LRRC7: variants seen among roughly 807,000 people sequenced by gnomAD.
LRRC7 encodes the protein leucine-rich repeat-containing protein 7.
LRRC7 carries 23 observed loss-of-function variants against 175.7 expected under a neutral mutation model. The ratio of observed to expected loss-of-function variants is 0.13; its 90% CI spans 0.09 to 0.19. LRRC7 has a LOEUF of 0.19. Among genes scored for constraint, LRRC7 ranks in the 10% least tolerant of loss-of-function variants. LRRC7 has a pLI of 1.00. For synonymous variants in LRRC7, 685 were observed against 680.9 expected (o/e 1.01, Z -0.09); for missense variants, 1,354 against 1,904.7 (o/e 0.71, Z 5.38).
At chr1:69,843,214 CAAAA>C (rs905777908) in intron 7 of LRRC7, among the ~76,000 whole-genome samples, 1 of 146,318 alleles carries the variant, frequency 6.8e-6, no homozygotes, top group East Asian at 2.0e-4. Flanking sequence ...AAAACAACAA[CAAAA>C]AAAAAACCTA....
At chr1:69,942,697 A>G (rs7546018) in intron 8 of LRRC7, among the ~76,000 whole-genome samples, 4,418 of 151,990 alleles carry the variant, frequency 0.029, 208 homozygotes, top group African/African-American at 0.1. Context: ...TCTCTCTTAT[A>G]ATGACATTTG....
intron 1 of LRRC7, among the ~76,000 whole-genome samples, chr1:69,636,707 T>C (rs1289381531): frequency 6.6e-6 from 1 of 152,022 alleles, no homozygotes; most frequent in Non-Finnish European, 1.5e-5. Context: ...TCCTCATTTG[T>C]TGACAAATAA....
chr1:69,906,134 G>T lies in LRRC7; in HGVS notation c.648-25373G>T, dbSNP rs1172250072. 3.3e-5 allele frequency among the ~76,000 whole-genome samples: 5 copies of T among 152,272 alleles called. 1 individual carries two copies. The highest frequency in any genetic ancestry group is 3.3e-4 in the Admixed American group (5 of 15,308). On this transcript the variant is annotated intron_variant, in intron 7 of 26. Coordinates refer to ENST00000651989, the MANE Select transcript of LRRC7 (RefSeq NM_001370785.2). ...GTTTTTTTCTTGTAAATTTGTGTGA[G>T]TTCATTGTAGATTCTGGATATTAGC...
At chr1:70,051,528 T>C (rs771626520) in intron 22 of LRRC7, among the ~76,000 whole-genome samples, 3 of 151,998 alleles carry the variant, frequency 2.0e-5, no homozygotes, top group Non-Finnish European at 2.9e-5. Context: ...AAACAGACAG[T>C]CGTTGAATAG....
chr1:69,711,387 A>C (rs1161110431), intron 2 of LRRC7, among the ~76,000 whole-genome samples: 1 of 152,190 alleles, frequency 6.6e-6, no homozygotes, highest in African/African-American at 2.4e-5. Context: ...TCATGTCACA[A>C]AACACTAGAG....
chr1:69,675,519 T>C (rs1268512947), intron 1 of LRRC7, among the ~76,000 whole-genome samples: 2 of 152,150 alleles, frequency 1.3e-5, no homozygotes, highest in East Asian at 3.8e-4. Context: ...AAAATTACAC[T>C]ACAATTTTAT....
At chr1:69,917,240 A>C (rs1646747154) in intron 7 of LRRC7, among the ~76,000 whole-genome samples, 8 of 152,158 alleles carry the variant, frequency 5.3e-5, no homozygotes, top group Admixed American at 5.2e-4. Context: ...ATGTGTGCCA[A>C]ACTTGTGATC....
rs1042986514 is a variant in LRRC7, at chr1:70,084,765, G to A, written c.4453-4962G>A. Among the ~76,000 whole-genome samples, 7 of 152,068 alleles carry A rather than the reference G, an allele frequency of 4.6e-5. No homozygotes were observed. The East Asian group carries it at 5.8e-4, about 13-fold the overall frequency. ...AAAGTGGTTACAACATATTAATTCC[G>A]AACAGCAATGAATGTGGGTTCCACT... is the stretch of plus-strand genomic sequence containing the variant. On this transcript the variant is annotated intron_variant, in intron 24 of 26. Coordinates refer to ENST00000651989, the MANE Select transcript of LRRC7 (RefSeq NM_001370785.2).
intron 1 of LRRC7, among the ~76,000 whole-genome samples, chr1:69,601,187 G>C (rs1316976956): frequency 6.6e-6 from 1 of 152,128 alleles, no homozygotes; most frequent in African/African-American, 2.4e-5. Flanking sequence ...TGCGGTAAGA[G>C]TGTCATTGCT....
intron 24 of LRRC7, among the ~76,000 whole-genome samples, chr1:70,081,069 A>C (rs1263063470): frequency 6.6e-6 from 1 of 152,198 alleles, no homozygotes; most frequent in Admixed American, 6.5e-5. Context: ...TCTTGCTCTC[A>C]TCCCCAGATA....
At chr1:69,967,428 G>A (rs141067636) in intron 8 of LRRC7, among the ~76,000 whole-genome samples, 149 of 152,170 alleles carry the variant, frequency 9.8e-4, no homozygotes, top group African/African-American at 3.5e-3. Context: ...CCCACCACCT[G>A]TTTCTCCCCA....
Position 70,078,539 on chromosome 1 carries a change from T to G in LRRC7, c.4452+2241T>G, listed in dbSNP as rs138941425. ...CACACCACTGACTACTACCCTGATTTCTTTCATCTCTTTTTCTTTTTCTAA... is the reference window on the plus strand; with the variant it reads ...CACACCACTGACTACTACCCTGATTGCTTTCATCTCTTTTTCTTTTTCTAA... On this transcript the variant is annotated intron_variant, in intron 24 of 26. Transcript: ENST00000651989. Among the ~76,000 whole-genome samples, 241 of 152,330 alleles carry G rather than the reference T, an allele frequency of 1.6e-3. 2 individuals are homozygous for G. The highest frequency in any genetic ancestry group is 0.011 in the Admixed American group (172 of 15,306).
At chr1:69,578,941 TAATAA>T (rs201009387) in intron 1 of LRRC7, among the ~76,000 whole-genome samples, 13,448 of 151,296 alleles carry the variant, frequency 0.089, 690 homozygotes, top group East Asian at 0.21. Flanking sequence ...AGTATAATAA[TAATAA>T]AATAAAATAA....
At chr1:69,977,748 C>T (rs1652973432) in intron 8 of LRRC7, among the ~76,000 whole-genome samples, 1 of 152,098 alleles carries the variant, frequency 6.6e-6, no homozygotes, top group African/African-American at 2.4e-5. Context: ...CTTTGGCTCT[C>T]CTGACAATCT....
At chr1:69,726,633 C>T (rs1418559816) in intron 2 of LRRC7, among the ~76,000 whole-genome samples, 3 of 151,930 alleles carry the variant, frequency 2.0e-5, no homozygotes, top group Non-Finnish European at 2.9e-5. Flanking sequence ...CCATGAAGAT[C>T]GTAACTAAAG....
intron 26 of LRRC7, among the ~76,000 whole-genome samples, chr1:70,109,579 G>A (rs1665384648): frequency 6.6e-6 from 1 of 152,140 alleles, no homozygotes; most frequent in Admixed American, 6.5e-5. Context: ...TATTATGGAA[G>A]TTCTATATTT....
intron 1 of LRRC7, among the ~76,000 whole-genome samples, chr1:69,641,415 A>G (rs1468839636): frequency 6.6e-6 from 1 of 151,600 alleles, no homozygotes; most frequent in Non-Finnish European, 1.5e-5. Flanking sequence ...ATACAAATAT[A>G]TATGAGTAGA....
At chr1:69,615,302 G>A (rs1306388226) in intron 1 of LRRC7, among the ~76,000 whole-genome samples, 1 of 151,882 alleles carries the variant, frequency 6.6e-6, no homozygotes, top group Admixed American at 6.6e-5. Flanking sequence ...CTAGGGTCGG[G>A]TTTGCAACAA....
chr1:69,690,368 A>C (rs996633890), intron 2 of LRRC7, among the ~76,000 whole-genome samples: 7 of 152,206 alleles, frequency 4.6e-5, no homozygotes, highest in Admixed American at 1.3e-4. Context: ...AACTAGAAGG[A>C]ATCAGGTAGC....
Sources: allele counts gnomAD v4.1 joint callset (sites outside exome capture counted in the v4.1 genomes callset), GRCh38; gene constraint gnomAD v4.1.1; transcripts MANE v1.5; gene names NCBI Gene and HGNC (gene_info 2026-07-23, HGNC 2026-07-21).